The following SNTG1 variants were observed in gnomAD, a reference collection of about 807,000 sequenced individuals.
SNTG1 encodes the protein syntrophin gamma 1.
Under a neutral mutation model 74.7 loss-of-function variants are expected in SNTG1, and 39 were observed. The observed-to-expected ratio is 0.52, with a 90% CI of 0.40 to 0.68. The LOEUF is 0.68. Among genes scored for constraint, SNTG1 ranks in the 30% least tolerant of loss-of-function variants. SNTG1 has a pLI of 0.00. For missense variants in SNTG1, 685 were observed against 609.5 expected, an observed-to-expected ratio of 1.12 and a Z score of -1.30; for synonymous variants, 254 against 217.1, an observed-to-expected ratio of 1.17 and a Z score of -1.49.
At chr8:50,319,491 T>G (rs1179252759) in intron 2 of SNTG1, among the ~76,000 whole-genome samples, 2 of 152,212 alleles carry the variant, frequency 1.3e-5, no homozygotes, top group Non-Finnish European at 2.9e-5. Context: ...TTGTTCCAAA[T>G]ATAAGATTAC....
At chr8:50,046,275 T>C (rs1181923777) in intron 1 of SNTG1, among the ~76,000 whole-genome samples, 1 of 152,184 alleles carries the variant, frequency 6.6e-6, no homozygotes, top group Non-Finnish European at 1.5e-5. Context: ...CAAACTAGAT[T>C]GTTTCCAAGA....
At chr8:50,122,383 C>T (rs1264456988) in intron 1 of SNTG1, among the ~76,000 whole-genome samples, 2 of 140,916 alleles carry the variant, frequency 1.4e-5, no homozygotes, top group Non-Finnish European at 3.1e-5. Flanking sequence ...AGTGAGGTCC[C>T]TTTCAGGAGT....
upstream of SNTG1, among the ~76,000 whole-genome samples, chr8:49,910,260 G>A (rs535137112): frequency 1.8e-4 from 27 of 152,244 alleles, 1 homozygote; most frequent in South Asian, 5.6e-3. Context: ...CCCACAGCCC[G>A]GGAGAAATTA....
intron 1 of SNTG1, among the ~76,000 whole-genome samples, chr8:49,996,506 A>T (rs536829120): frequency 2.6e-5 from 4 of 152,226 alleles, no homozygotes; most frequent in African/African-American, 9.6e-5. Flanking sequence ...TCTTGGAGAG[A>T]AATATTTTGT....
intron 1 of SNTG1, among the ~76,000 whole-genome samples, chr8:49,973,374 G>C (rs558874052): frequency 6.7e-6 from 1 of 149,674 alleles, no homozygotes; most frequent in Non-Finnish European, 1.5e-5. Flanking sequence ...GGGGTGGGGG[G>C]AAGGGGGAGG....
intron 1 of SNTG1, among the ~76,000 whole-genome samples, chr8:50,167,748 G>T (rs182420238): frequency 9.9e-5 from 15 of 151,018 alleles, no homozygotes; most frequent in South Asian, 6.3e-4. Flanking sequence ...GGCAATTCGA[G>T]GTTGCAGTGA....
chr8:50,337,979 G>A (rs915102843), intron 2 of SNTG1, among the ~76,000 whole-genome samples: 31 of 151,952 alleles, frequency 2.0e-4, no homozygotes, highest in African/African-American at 7.0e-4. Context: ...TACTAAAAAT[G>A]CAAAAAGTTA....
chr8:50,334,786 T>C (rs1176522769), intron 2 of SNTG1, among the ~76,000 whole-genome samples: 1 of 152,196 alleles, frequency 6.6e-6, no homozygotes, highest in Non-Finnish European at 1.5e-5. Context: ...GATAATAGAC[T>C]GAACAATATT....
chr8:50,194,804 G>A (rs1391365977), intron 2 of SNTG1, among the ~76,000 whole-genome samples: 1 of 151,996 alleles, frequency 6.6e-6, no homozygotes, highest in East Asian at 1.9e-4. Flanking sequence ...TAGGCACTTA[G>A]GGCTATGAAC....
rs531667443 is a variant in SNTG1 at position 49,913,450 on chromosome 8, T to C, written c.-103+1219T>C. On this transcript the variant is annotated intron_variant, in intron 1 of 18. Coordinates refer to ENST00000642720, the MANE Select transcript of SNTG1 (RefSeq NM_018967.5). ...GTTACAGTGGCATTCATTGGTGGGG[T>C]GATGTCCTCTTGTTTTATGTTGGCT... is the stretch of plus-strand genomic sequence containing the variant. 2.0e-4 allele frequency among the ~76,000 whole-genome samples: 31 copies of C among 152,256 alleles called. No homozygotes were observed. The South Asian group carries it at 3.9e-3, about 19-fold the overall frequency.
chr8:50,196,504 T>C (rs191273613), intron 2 of SNTG1, among the ~76,000 whole-genome samples: 1 of 152,248 alleles, frequency 6.6e-6, no homozygotes, highest in East Asian at 1.9e-4. Context: ...TTGAAGGATC[T>C]CTCTCTCTCA....
chr8:50,130,849 T>A (rs1312818730), intron 1 of SNTG1, among the ~76,000 whole-genome samples: 1 of 152,068 alleles, frequency 6.6e-6, no homozygotes, highest in South Asian at 2.1e-4. Flanking sequence ...GAGCTCCACA[T>A]TATTGGACAA....
At chr8:50,295,621 C>T (rs1206692885) in intron 2 of SNTG1, among the ~76,000 whole-genome samples, 2 of 152,144 alleles carry the variant, frequency 1.3e-5, no homozygotes, top group Non-Finnish European at 2.9e-5. Context: ...AAGAGATAGA[C>T]ATGACTGCCA....
chr8:50,721,393 A>G (rs1222626287), intron 17 of SNTG1, among the ~76,000 whole-genome samples: 1 of 152,198 alleles, frequency 6.6e-6, no homozygotes, highest in Non-Finnish European at 1.5e-5. Flanking sequence ...AATGGGCCTT[A>G]CTCAAATGAA....
intron 17 of SNTG1, 41 bp from the exon 18 acceptor site, chr8:50,751,957 ATAT>A: frequency 8.5e-7 from 1 of 1,175,966 alleles, no homozygotes; most frequent in Non-Finnish European, 1.2e-6. Context: ...TTGAAAGCAG[ATAT>A]TAATTCCACC....
intron 17 of SNTG1, among the ~76,000 whole-genome samples, chr8:50,718,359 T>C (rs1251410990): frequency 6.6e-6 from 1 of 152,176 alleles, no homozygotes. Flanking sequence ...AGTTGGCACT[T>C]ACATCAGCAG....
chr8:50,621,662 C>A (rs1214061706), intron 13 of SNTG1, among the ~76,000 whole-genome samples: 1 of 152,198 alleles, frequency 6.6e-6, no homozygotes, highest in African/African-American at 2.4e-5. Flanking sequence ...CAACAGACAA[C>A]TGCCAAGCCT....
At chr8:50,450,468 TA>T in intron 6 of SNTG1, 87 bp from the exon 7 acceptor site, 1 of 1,375,306 alleles carries the variant, frequency 7.3e-7, no homozygotes, top group Non-Finnish European at 1.0e-6. Flanking sequence ...TTTATATTTG[TA>T]AATTTTACCT....
intron 13 of SNTG1, among the ~76,000 whole-genome samples, chr8:50,593,421 T>A (rs1328922678): frequency 6.6e-6 from 1 of 151,584 alleles, no homozygotes; most frequent in Non-Finnish European, 1.5e-5. Flanking sequence ...TAAAGAACTA[T>A]CCAAAATATT....
Sources: allele counts gnomAD v4.1 joint callset (sites outside exome capture counted in the v4.1 genomes callset), GRCh38; gene constraint gnomAD v4.1.1; transcripts MANE v1.5; gene names NCBI Gene and HGNC (gene_info 2026-07-23, HGNC 2026-07-21).